The following VPS26B variants were observed in gnomAD, a reference collection of about 807,000 sequenced individuals.
VPS26B encodes the protein vacuolar protein sorting-associated protein 26B.
In VPS26B, 10 loss-of-function variants were observed where a neutral mutation model predicts 33.3. That is an observed-to-expected ratio of 0.30 (90% CI 0.19 to 0.51). The LOEUF (loss-of-function observed/expected upper bound fraction) is 0.51. VPS26B is among the 20% of genes least tolerant of loss of function. VPS26B has a pLI of 0.98. For missense variants in VPS26B, 317 were observed against 452.7 expected, an observed-to-expected ratio of 0.70 and a Z score of 2.72; for synonymous variants, 190 against 176.9, an observed-to-expected ratio of 1.07 and a Z score of -0.59.
intron 2 of VPS26B, chr11:134,235,358 C>G (rs1938616881): frequency 4.4e-6 from 1 of 228,292 alleles, no homozygotes; most frequent in Admixed American, 5.7e-5. Flanking sequence ...CACATTCCCT[C>G]AAGAGCAGAG....
At position 134,225,192 on chromosome 11, in the gene VPS26B, C is replaced by T. The variant is rs1036512274; in HGVS notation, c.70C>T (p.Arg24Trp). ...TCTGAACGATGCAGAGAGTAGGAAG[C>T]GGGCCGAGCACAAGACGGAGGACGG... is the stretch of plus-strand genomic sequence containing the variant. ...ILLNDAESRKRAEHKTEDGKK... is the reference protein window; with the variant it reads ...ILLNDAESRKWAEHKTEDGKK... Residue 24 changes from arginine to tryptophan, a missense_variant, in exon 1 of 6, where the codon CGG (arginine) becomes TGG (tryptophan). Transcript: ENST00000281187. 6.2e-7 allele frequency: 1 copy of T among 1,613,990 alleles called. No homozygotes were observed. The highest frequency in any genetic ancestry group is 1.3e-5 in the African/African-American group (1 of 74,936).
At chr11:134,231,635 G>T (rs1938556854) in intron 1 of VPS26B, among the ~76,000 whole-genome samples, 1 of 151,770 alleles carries the variant, frequency 6.6e-6, no homozygotes, top group Non-Finnish European at 1.5e-5. Context: ...CACAATCTCA[G>T]CTCACTGCAA....
rs778529826 is a variant in VPS26B at position 134,245,516 on chromosome 11, C to T, written c.937C>T (p.Arg313Cys). The change falls in exon 6 of 6, where the codon CGC becomes TGC. Residue 313 changes from arginine (R) to cysteine (C), a missense_variant. Coordinates refer to ENST00000281187, the MANE Select transcript of VPS26B (RefSeq NM_052875.5). The surrounding 1 kb of genome is among the most constrained non-coding windows in gnomAD (Gnocchi z 4.7). Reference protein sequence around the residue: ...MSHQAAIASQRFEGTTSLGEV... With the variant: ...MSHQAAIASQCFEGTTSLGEV... ...CCACCAGGCGGCCATCGCCTCACAG[C>T]GCTTTGAGGGCACCACCTCCCTGGG... The T allele has an allele frequency of 7.4e-6, 12 of 1,613,882 alleles. No individual in the cohort carries two copies. Among genetic ancestry groups the T allele is most frequent in the Non-Finnish European group, 8.5e-6 (10 of 1,180,006 alleles).
intron 1 of VPS26B, among the ~76,000 whole-genome samples, chr11:134,227,864 A>C (rs1272932826): frequency 6.6e-6 from 1 of 152,224 alleles, no homozygotes; most frequent in Non-Finnish European, 1.5e-5. Context: ...GTTATCACCC[A>C]CTGGCTTGCT....
intron 1 of VPS26B, among the ~76,000 whole-genome samples, chr11:134,226,514 C>G (rs1344961612): frequency 6.6e-6 from 1 of 152,132 alleles, no homozygotes; most frequent in Non-Finnish European, 1.5e-5. Context: ...AATTCTAAGC[C>G]TTATTTAGAC....
chr11:134,231,808 C>G (rs1938559457), intron 1 of VPS26B, among the ~76,000 whole-genome samples: 1 of 152,196 alleles, frequency 6.6e-6, no homozygotes, highest in Non-Finnish European at 1.5e-5. Flanking sequence ...CGTGATCCAC[C>G]CGCCTTGGCC....
At chr11:134,229,854 G>C (rs904953134) in intron 1 of VPS26B, among the ~76,000 whole-genome samples, 9 of 152,198 alleles carry the variant, frequency 5.9e-5, no homozygotes, top group Admixed American at 4.6e-4. Flanking sequence ...ATGGGGGAAA[G>C]TATATCCAAA....
Position 134,240,651 on chromosome 11 carries a change from A to G in VPS26B, c.545+496A>G, listed in dbSNP as rs1016938129. On this transcript the variant is annotated intron_variant, in intron 3 of 5. Coordinates refer to ENST00000281187, the MANE Select transcript of VPS26B (RefSeq NM_052875.5). This position sits in a 1 kb window ranked among gnomAD's most constrained non-coding sequence, Gnocchi z 4.4. ...TTGGATTTTTTTTTCAAGATGGGGT[A>G]CAGTGGCCCAGTCATGGCTTACTAC... Among the ~76,000 whole-genome samples, 9 of 152,140 alleles carry G rather than the reference A, an allele frequency of 5.9e-5. No individual in the cohort carries two copies. The highest frequency in any genetic ancestry group is 1.3e-4 in the Non-Finnish European group (9 of 68,032).
chr11:134,227,432 C>A (rs1938496031), intron 1 of VPS26B, among the ~76,000 whole-genome samples: 1 of 152,164 alleles, frequency 6.6e-6, no homozygotes, highest in South Asian at 2.1e-4. Flanking sequence ...TGAAAGATAA[C>A]CCAGAATGTC....
intron 2 of VPS26B, 126 bp downstream of exon 2, chr11:134,235,179 G>A (rs911473716): frequency 4.8e-6 from 6 of 1,257,992 alleles, no homozygotes; most frequent in Non-Finnish European, 5.4e-6. Flanking sequence ...CGCGAGCTGT[G>A]GCGTGCTGGT....
In VPS26B at chr11:134,245,390, C is replaced by T. The variant is rs769908562; in HGVS notation, c.865-54C>T. ...TCAAAGTTGGGAGCCTCTAGGAAAC[C>T]TGTCCCCATGCCTCCCTCTAAGGTG... is the stretch of plus-strand genomic sequence containing the variant. On this transcript the variant is annotated intron_variant, in intron 5 of 5. Coordinates refer to ENST00000281187, the MANE Select transcript of VPS26B (RefSeq NM_052875.5). The surrounding 1 kb of genome is among the most constrained non-coding windows in gnomAD (Gnocchi z 4.7). 1 of 1,603,874 alleles carries T rather than the reference C, an allele frequency of 6.2e-7. No homozygotes were observed. The highest frequency in any genetic ancestry group is 8.5e-7 in the Non-Finnish European group (1 of 1,171,938).
chr11:134,238,808 G>A (rs1938674861), intron 2 of VPS26B, among the ~76,000 whole-genome samples: 1 of 151,872 alleles, frequency 6.6e-6, no homozygotes, highest in Non-Finnish European at 1.5e-5. Context: ...TGTTAGCCAG[G>A]ATGGTCTCGA....
In VPS26B at chr11:134,240,787, G is replaced by A. The variant is rs1938708449; in HGVS notation, c.545+632G>A. 8.5e-6 allele frequency among the ~76,000 whole-genome samples: 1 copy of A among 118,212 alleles called. No homozygotes were observed. Among genetic ancestry groups the A allele is most frequent in the African/African-American group, 3.3e-5 (1 of 30,390 alleles). The allele number at this position is 118,212 out of a possible 152,430, so 77.6% of individuals were successfully genotyped here. Reference sequence around the variant, plus strand: ...CTAATTTGTGTCCGTGTGTGTGTGTGTGTGTCCGTGTGTGTGTGTGTGTGT... The same window carrying A: ...CTAATTTGTGTCCGTGTGTGTGTGTATGTGTCCGTGTGTGTGTGTGTGTGT... On this transcript the variant is annotated intron_variant, in intron 3 of 5. Transcript: ENST00000281187. This position sits in a 1 kb window ranked among gnomAD's most constrained non-coding sequence, Gnocchi z 4.4.
chr11:134,237,037 G>A (rs1029596534), intron 2 of VPS26B, among the ~76,000 whole-genome samples: 2 of 152,212 alleles, frequency 1.3e-5, no homozygotes, highest in Non-Finnish European at 2.9e-5. Context: ...TTCATGTTGC[G>A]AAAGAGAGGA....
At position 134,235,031 on chromosome 11, in the gene VPS26B, A is replaced by G. The variant is rs769731323; in HGVS notation, c.358A>G (p.Thr120Ala). The G allele has an allele frequency of 1.3e-5, 21 of 1,613,976 alleles. No individual in the cohort carries two copies. The highest frequency in any genetic ancestry group is 1.8e-5 in the Non-Finnish European group (21 of 1,179,974). Residue 120 changes from threonine to alanine, a missense_variant, in exon 2 of 6, where the codon ACA becomes GCA. Thr to Ala is a moderately conservative substitution (Grantham distance 58). Transcript: ENST00000281187. ...CGTGGAGAAGCCGTATGAGTCCTAC[A>G]CAGGGCAGAATGTGAAGCTACGGTA... is the stretch of plus-strand genomic sequence containing the variant. ...THVEKPYESY[T>A]GQNVKLRYFL...
intron 1 of VPS26B, chr11:134,225,560 G>C: frequency 1.7e-6 from 1 of 581,176 alleles, no homozygotes; most frequent in Non-Finnish European, 3.1e-6. Context: ...GGGAGATGGG[G>C]ACGGCGAGGG....
chr11:134,231,930 A>C (rs963311273), intron 1 of VPS26B, among the ~76,000 whole-genome samples: 1 of 152,220 alleles, frequency 6.6e-6, no homozygotes, highest in African/African-American at 2.4e-5. Flanking sequence ...TAGACTAAAC[A>C]TGGCCTTAGC....
chr11:134,234,617 C>G (rs1323344120), intron 1 of VPS26B, among the ~76,000 whole-genome samples: 3 of 152,198 alleles, frequency 2.0e-5, no homozygotes, highest in Non-Finnish European at 4.4e-5. Context: ...GCTCCCATGA[C>G]TTACCCTTAT....
Position 134,225,268 on chromosome 11 carries a change from A to T in VPS26B, c.146A>T (p.Lys49Met). ...LFYDGETVSG[K>M]VSLALKNPNK... ...TACGACGGGGAGACGGTCTCCGGGA[A>T]GGTGAGCCTTGCCCTCAAGAACCCC... is the stretch of plus-strand genomic sequence containing the variant. Residue 49 changes from lysine (K) to methionine (M), a missense_variant, in exon 1 of 6, where the codon AAG becomes ATG. Physicochemically the swap from Lys to Met is moderately conservative, Grantham distance 95. Coordinates refer to ENST00000281187, the MANE Select transcript of VPS26B (RefSeq NM_052875.5). 1 of 1,614,114 alleles carries T rather than the reference A, an allele frequency of 6.2e-7. No homozygotes were observed. Among genetic ancestry groups the T allele is most frequent in the Non-Finnish European group, 8.5e-7 (1 of 1,179,974 alleles).
Sources: allele counts gnomAD v4.1 joint callset (sites outside exome capture counted in the v4.1 genomes callset), GRCh38; gene constraint gnomAD v4.1.1; non-coding constraint Gnocchi (gnomAD v3.1); transcripts MANE v1.5; gene names NCBI Gene and HGNC (gene_info 2026-07-23, HGNC 2026-07-21).